The following CLEC2A variants were observed in gnomAD, a reference collection of about 807,000 sequenced individuals.
The protein encoded by CLEC2A is keratinocyte-associated C-type lectin.
Under a neutral mutation model 18.6 loss-of-function variants are expected in CLEC2A, and 19 were observed. That is an observed-to-expected ratio of 1.02 (90% CI 0.71 to 1.50). The LOEUF (loss-of-function observed/expected upper bound fraction) is 1.50. Ranked by LOEUF, CLEC2A falls within the 40% of genes most tolerant of loss-of-function variation. The pLI is 0.00. For synonymous variants in CLEC2A, 74 were observed against 64.0 expected (o/e 1.16, Z -0.75); for missense variants, 190 against 207.9 (o/e 0.91, Z 0.53).
intron 1 of CLEC2A, 67 bp from the exon 2 acceptor site, chr12:9,926,410 G>T: frequency 2.2e-6 from 2 of 918,194 alleles, no homozygotes. Context: ...TATTACTGGT[G>T]TATTCCTCTC....
intron 4 of CLEC2A, among the ~76,000 whole-genome samples, chr12:9,900,001 G>A (rs1393882558): frequency 1.3e-5 from 2 of 152,164 alleles, no homozygotes; most frequent in Non-Finnish European, 2.9e-5. Context: ...GTGAAAGTGT[G>A]GAACTGAGTC....
the CLEC2A span, among the ~76,000 whole-genome samples, chr12:9,890,647 A>G: frequency 6.6e-6 from 1 of 152,248 alleles, no homozygotes; most frequent in Non-Finnish European, 1.5e-5. Context: ...CTTACATCTG[A>G]TTAAGCCAGA....
At chr12:9,893,215 A>T in the CLEC2A span, 1 of 1,500,312 alleles carries the variant, frequency 6.7e-7, no homozygotes, top group Non-Finnish European at 8.9e-7. Flanking sequence ...AAAATGGCTT[A>T]GGTGCAAGTT....
chr12:9,927,186 T>C (rs1863289022), intron 1 of CLEC2A, among the ~76,000 whole-genome samples: 1 of 152,316 alleles, frequency 6.6e-6, no homozygotes, highest in Middle Eastern at 3.4e-3. Context: ...ACCTAGGCTA[T>C]ATATTACAGA....
chr12:9,927,227 C>T (rs1450789569), intron 1 of CLEC2A, among the ~76,000 whole-genome samples: 3 of 152,178 alleles, frequency 2.0e-5, no homozygotes, highest in Non-Finnish European at 4.4e-5. Flanking sequence ...AACTGGATAG[C>T]ATGTTATCGT....
chr12:9,928,622 A>G (rs1863318550), intron 1 of CLEC2A, among the ~76,000 whole-genome samples: 1 of 152,248 alleles, frequency 6.6e-6, no homozygotes, highest in African/African-American at 2.4e-5. Flanking sequence ...ACTGGTATCG[A>G]AAATACTAAA....
downstream of CLEC2A, among the ~76,000 whole-genome samples, chr12:9,910,592 C>G (rs1862969823): frequency 6.6e-6 from 1 of 152,226 alleles, no homozygotes; most frequent in Non-Finnish European, 1.5e-5. Flanking sequence ...TGTACTCACT[C>G]AGCACAGTAG....
intron 4 of CLEC2A, among the ~76,000 whole-genome samples, chr12:9,915,374 G>A (rs1057301674): frequency 6.6e-6 from 1 of 151,992 alleles, no homozygotes; most frequent in Non-Finnish European, 1.5e-5. Flanking sequence ...AGGAATATAA[G>A]TAATTCTATT....
At chr12:9,928,553 T>C (rs561573731) in intron 1 of CLEC2A, among the ~76,000 whole-genome samples, 3 of 152,264 alleles carry the variant, frequency 2.0e-5, no homozygotes, top group African/African-American at 7.2e-5. Flanking sequence ...CTGTTGTGAA[T>C]ATAAATATGC....
chr12:9,894,870 T>C (rs1862739250), downstream of CLEC2A, among the ~76,000 whole-genome samples: 1 of 152,070 alleles, frequency 6.6e-6, no homozygotes, highest in Non-Finnish European at 1.5e-5. Context: ...ATATTATTTT[T>C]TACTTTTTTG....
chr12:9,925,442 T>G (rs989850204), intron 2 of CLEC2A, among the ~76,000 whole-genome samples: 62 of 152,364 alleles, frequency 4.1e-4, no homozygotes, highest in African/African-American at 1.5e-3. Context: ...TGTTTGATCC[T>G]AGGTCTGGAA....
intron 1 of CLEC2A, among the ~76,000 whole-genome samples, chr12:9,930,374 T>A (rs924258409): frequency 1.3e-5 from 2 of 152,166 alleles, no homozygotes; most frequent in Non-Finnish European, 2.9e-5. Context: ...AATTGATGAA[T>A]TATTTCCATA....
the CLEC2A span, among the ~76,000 whole-genome samples, chr12:9,880,678 G>C: frequency 2.4e-4 from 37 of 152,144 alleles, no homozygotes; most frequent in African/African-American, 8.7e-4. Context: ...ACCGTCTGTA[G>C]AATCAGGAGG....
chr12:9,931,900 G>T (rs551504105), intron 1 of CLEC2A, among the ~76,000 whole-genome samples: 4 of 152,280 alleles, frequency 2.6e-5, no homozygotes, highest in African/African-American at 7.2e-5. Flanking sequence ...TTTTTGAAAA[G>T]TTCTTTTCAG....
chr12:9,907,297 A>T (rs533136944), intron 4 of CLEC2A, among the ~76,000 whole-genome samples: 1 of 152,278 alleles, frequency 6.6e-6, no homozygotes, highest in East Asian at 1.9e-4. Flanking sequence ...TAATTCTTCA[A>T]TTTGATGAAT....
chr12:9,931,134 G>A lies in CLEC2A; in HGVS notation c.55+1141C>T, dbSNP rs537974252. 5.3e-5 allele frequency among the ~76,000 whole-genome samples: 8 copies of A among 151,930 alleles called. No individual in the cohort carries two copies. The East Asian group carries it at 1.4e-3, about 26-fold the overall frequency. ...CATGCTTCACAGTACTTCATATTTT[G>A]TCTTCTCGTTATGCAATGAGATAAA... On this transcript the variant is annotated intron_variant, in intron 1 of 4. Coordinates refer to ENST00000455827, the MANE Select transcript of CLEC2A (RefSeq NM_001130711.2).
the CLEC2A span, chr12:9,893,203 GA>G: frequency 1.3e-6 from 2 of 1,510,862 alleles, no homozygotes; most frequent in Non-Finnish European, 8.8e-7. Flanking sequence ...ACTGCACAAG[GA>G]AAAATGGCTT....
chr12:9,922,354 C>A (rs967166541), intron 2 of CLEC2A, 122 bp from the exon 3 acceptor site: 9 of 670,780 alleles, frequency 1.3e-5, no homozygotes, highest in Non-Finnish European at 2.1e-5. Flanking sequence ...AGCTTCCCCC[C>A]TCCCCAGAAT....
At chr12:9,893,212 C>T in the CLEC2A span, 320 of 1,504,068 alleles carry the variant, frequency 2.1e-4, 3 homozygotes, top group African/African-American at 3.8e-3. Flanking sequence ...GGAAAAATGG[C>T]TTAGGTGCAA....
Sources: gnomAD v4.1 joint callset for allele counts (sites outside exome capture counted in the v4.1 genomes callset) on GRCh38, gnomAD v4.1.1 for gene constraint, MANE v1.5 for transcripts, NCBI Gene and HGNC (gene_info 2026-07-23, HGNC 2026-07-21) for gene names.